The following PICALM variants were observed in gnomAD, a reference collection of about 807,000 sequenced individuals.
The protein encoded by PICALM is phosphatidylinositol binding clathrin assembly protein.
Under a neutral mutation model 80.5 loss-of-function variants are expected in PICALM, and 40 were observed. The ratio of observed to expected loss-of-function variants is 0.50; its 90% CI spans 0.39 to 0.65. PICALM has a LOEUF of 0.65. Ranked by LOEUF, PICALM falls within the 30% of genes least tolerant of loss-of-function variation. The pLI is 0.00. For synonymous variants in PICALM, 288 were observed against 260.3 expected, an observed-to-expected ratio of 1.11 and a Z score of -1.02; for missense variants, 676 against 778.9, an observed-to-expected ratio of 0.87 and a Z score of 1.57.
intron 7 of PICALM, among the ~76,000 whole-genome samples, chr11:86,009,667 A>G (rs1281157134): frequency 1.3e-5 from 2 of 152,108 alleles, no homozygotes. Context: ...ACTCCAGCCT[A>G]GGGGACAAGA....
At position 86,022,360 on chromosome 11, in the gene PICALM, A is replaced by AACTC. The variant is rs2095579207; in HGVS notation, c.452+3_452+6dup. ...ATCAATTAGATGTCAAAAAAAGCTT[A>AACTC]ACTCACCCTCTCTTCACTTTTGTGA... On this transcript the variant is annotated splice_region_variant and intron_variant, in intron 4 of 19. Coordinates refer to ENST00000393346, the MANE Select transcript of PICALM (RefSeq NM_007166.4). 1 of 1,480,780 alleles carries AACTC rather than the reference A, an allele frequency of 6.8e-7. No homozygotes were observed. Among genetic ancestry groups the AACTC allele is most frequent in the Non-Finnish European group, 9.3e-7 (1 of 1,080,306 alleles). 91.7% of individuals were successfully genotyped at this position (1,480,780 alleles called of 1,614,324 possible).
intron 17 of PICALM, among the ~76,000 whole-genome samples, chr11:85,977,427 G>C (rs2094316739): frequency 6.6e-6 from 1 of 152,142 alleles, no homozygotes; most frequent in African/African-American, 2.4e-5. Flanking sequence ...AATCATTTTA[G>C]ATATAGTTGC....
At chr11:86,069,589 A>C (rs1414001747), upstream of PICALM, 1 of 152,324 alleles carries the variant, frequency 6.6e-6, no homozygotes, top group Non-Finnish European at 1.5e-5. Context: ...AGAGTCAAGA[A>C]TGTATTTCAA....
At chr11:86,047,355 A>G (rs2096091700) in intron 1 of PICALM, among the ~76,000 whole-genome samples, 1 of 152,268 alleles carries the variant, frequency 6.6e-6, no homozygotes, top group Admixed American at 6.5e-5. Flanking sequence ...TGTGGCTACA[A>G]TGAACTAAAG....
chr11:86,038,373 T>C (rs2095880241), intron 1 of PICALM, among the ~76,000 whole-genome samples: 2 of 152,066 alleles, frequency 1.3e-5, no homozygotes, highest in South Asian at 4.2e-4. Context: ...CATGGTAAAG[T>C]ACCTGAGAAT....
At chr11:85,997,040 C>T in intron 11 of PICALM, 111 bp from the exon 12 acceptor site, 2 of 599,764 alleles carry the variant, frequency 3.3e-6, no homozygotes. Flanking sequence ...GGAGAAAAGT[C>T]TCATTAATAT....
At chr11:85,962,654 A>T (rs1432215562) in intron 19 of PICALM, among the ~76,000 whole-genome samples, 1 of 152,260 alleles carries the variant, frequency 6.6e-6, no homozygotes, top group Admixed American at 6.5e-5. Context: ...AACTCCTAGT[A>T]GTCTCTTAAA....
At chr11:86,059,148 C>A (rs1236141830) in intron 1 of PICALM, among the ~76,000 whole-genome samples, 12 of 152,136 alleles carry the variant, frequency 7.9e-5, no homozygotes, top group Admixed American at 2.6e-4. Context: ...TAAAAAATAT[C>A]CTTAAATGTC....
rs1014913354 is a variant in PICALM at position 85,957,612 on chromosome 11, A to C, written c.*1434T>G. The C allele has an allele frequency of 2.1e-5, 4 of 190,612 alleles. No individual in the cohort carries two copies. The highest frequency in any genetic ancestry group is 9.3e-5 in the African/African-American group (4 of 42,998). The allele number at this position is 190,612 out of a possible 1,614,324, so 11.8% of individuals were successfully genotyped here. On this transcript the variant is annotated 3_prime_UTR_variant, in exon 20 of 20. Transcript: ENST00000393346. ...CCTGGGTATATTTTATTAGGGAAAA[A>C]TGACAATATTGATAATAAAAAGAGA...
chr11:86,050,540 T>C (rs573595348), intron 1 of PICALM, among the ~76,000 whole-genome samples: 1 of 152,296 alleles, frequency 6.6e-6, no homozygotes, highest in East Asian at 1.9e-4. Context: ...AGAAACACAG[T>C]CCTTCCATCA....
At chr11:86,023,485 CTA>C in intron 3 of PICALM, 1 of 985,076 alleles carries the variant, frequency 1.0e-6, no homozygotes, top group Non-Finnish European at 1.2e-6. Flanking sequence ...GTTCTATCTA[CTA>C]TACCCCATCC....
At chr11:85,976,279 C>T (rs1297739849) in intron 18 of PICALM, among the ~76,000 whole-genome samples, 3 of 152,190 alleles carry the variant, frequency 2.0e-5, no homozygotes, top group East Asian at 3.9e-4. Flanking sequence ...GTTAATCCCT[C>T]CCATGCCCTA....
chr11:85,994,274 T>G (rs977862331), intron 12 of PICALM, among the ~76,000 whole-genome samples: 8 of 152,196 alleles, frequency 5.3e-5, no homozygotes, highest in Non-Finnish European at 7.3e-5. Flanking sequence ...ACCGACTGCT[T>G]GTTTAGACTC....
intron 1 of PICALM, among the ~76,000 whole-genome samples, chr11:86,065,738 T>C (rs2096438630): frequency 6.6e-6 from 1 of 152,214 alleles, no homozygotes; most frequent in South Asian, 2.1e-4. Flanking sequence ...ACACTAGGGA[T>C]GCTAGTCAAC....
intron 17 of PICALM, among the ~76,000 whole-genome samples, chr11:85,977,646 G>A (rs1592462454): frequency 6.6e-6 from 1 of 151,858 alleles, no homozygotes; most frequent in Non-Finnish European, 1.5e-5. Context: ...GAGCGTGTAG[G>A]ACTTATTGGT....
chr11:85,980,042 T>C (rs1237497024), intron 17 of PICALM, among the ~76,000 whole-genome samples: 2 of 152,252 alleles, frequency 1.3e-5, no homozygotes, highest in Non-Finnish European at 2.9e-5. Flanking sequence ...ATCCTCATTA[T>C]TCATGGATTC....
At chr11:85,994,129 T>G (rs1237106759) in intron 12 of PICALM, among the ~76,000 whole-genome samples, 2 of 152,198 alleles carry the variant, frequency 1.3e-5, no homozygotes. Context: ...AAATCTGAAA[T>G]CTTGCTTCAA....
At chr11:86,060,575 A>G (rs938457884) in intron 1 of PICALM, among the ~76,000 whole-genome samples, 1 of 152,196 alleles carries the variant, frequency 6.6e-6, no homozygotes, top group Admixed American at 6.5e-5. Flanking sequence ...AGTATATGAA[A>G]ACAGTTTTGA....
chr11:86,031,701 T>C (rs1315359810), intron 1 of PICALM, 90 bp from the exon 2 acceptor site: 2 of 873,944 alleles, frequency 2.3e-6, no homozygotes, highest in African/African-American at 3.4e-5. Context: ...GCAAAAGATT[T>C]AACACAAAGT....
Sources: allele counts gnomAD v4.1 joint callset (sites outside exome capture counted in the v4.1 genomes callset), GRCh38; gene constraint gnomAD v4.1.1; transcripts MANE v1.5; gene names NCBI Gene and HGNC (gene_info 2026-07-23, HGNC 2026-07-21).